Variants in DYRK1A observed in about 807,000 individuals in gnomAD.
DYRK1A encodes dual specificity tyrosine-phosphorylation-regulated kinase 1A.
DYRK1A carries 9 observed loss-of-function variants against 79.7 expected under a neutral mutation model. That is an observed-to-expected ratio of 0.11 (90% CI 0.07 to 0.20). DYRK1A has a LOEUF of 0.20. Ranked by LOEUF, DYRK1A falls within the 10% of genes least tolerant of loss-of-function variation. The pLI is 1.00. For missense variants in DYRK1A, 622 were observed against 956.0 expected (o/e 0.65, Z 4.61); for synonymous variants, 349 against 329.7 (o/e 1.06, Z -0.63).
chr21:37,396,584 G>A (rs952225131), intron 1 of DYRK1A, among the ~76,000 whole-genome samples: 2 of 151,776 alleles, frequency 1.3e-5, no homozygotes, highest in South Asian at 2.1e-4. Flanking sequence ...AGTCCGTAGC[G>A]TAATATTGAG....
intron 1 of DYRK1A, among the ~76,000 whole-genome samples, chr21:37,389,221 A>G (rs762086330): frequency 6.6e-6 from 1 of 151,652 alleles, no homozygotes; most frequent in African/African-American, 2.4e-5. Flanking sequence ...GTATATATAT[A>G]TATAAACAAA....
intron 2 of DYRK1A, among the ~76,000 whole-genome samples, chr21:37,437,899 A>G (rs1318320182): frequency 6.6e-6 from 1 of 152,194 alleles, no homozygotes; most frequent in African/African-American, 2.4e-5. Flanking sequence ...TGGTGGGTAT[A>G]TGCCTAACTT....
intron 8 of DYRK1A, among the ~76,000 whole-genome samples, 174 bp downstream of exon 8, chr21:37,493,337 G>C (rs565078155): frequency 3.9e-5 from 6 of 152,190 alleles, no homozygotes; most frequent in Non-Finnish European, 8.8e-5. Context: ...TGTAAGTTTA[G>C]AATTATGAGA....
chr21:37,379,599 C>T (rs1394175811), intron 1 of DYRK1A, among the ~76,000 whole-genome samples: 1 of 152,078 alleles, frequency 6.6e-6, no homozygotes, highest in African/African-American at 2.4e-5. Flanking sequence ...TAATTTGCAG[C>T]ACCATTAAAT....
chr21:37,476,740 T>C (rs1417509449), intron 3 of DYRK1A, among the ~76,000 whole-genome samples: 2 of 143,058 alleles, frequency 1.4e-5, no homozygotes, highest in Non-Finnish European at 3.1e-5. Context: ...AGTAAGACTG[T>C]CTATTTGAAA....
intron 2 of DYRK1A, among the ~76,000 whole-genome samples, chr21:37,422,925 G>GT (rs570350796): frequency 1.6e-3 from 248 of 152,210 alleles, no homozygotes; most frequent in African/African-American, 5.7e-3. Context: ...CTTTTTGCAT[G>GT]TTTTAAAATA....
intron 2 of DYRK1A, among the ~76,000 whole-genome samples, chr21:37,470,983 A>G (rs982393624): frequency 6.6e-6 from 1 of 152,240 alleles, no homozygotes; most frequent in Middle Eastern, 3.2e-3. Context: ...AGATTGGGAA[A>G]GTTAAGGACC....
chr21:37,422,276 T>C (rs565615003), intron 2 of DYRK1A, among the ~76,000 whole-genome samples: 122 of 152,320 alleles, frequency 8.0e-4, no homozygotes, highest in African/African-American at 2.9e-3. Flanking sequence ...TCTAATAGTT[T>C]GAAAGTTAAC....
At position 37,517,380 on chromosome 21, in the gene DYRK1A, T is replaced by C. The variant is rs1020082971; in HGVS notation, c.*4849T>C. The C allele has an allele frequency of 6.6e-6, 1 of 152,198 alleles. No individual in the cohort carries two copies. The allele number at this position is 152,198 out of a possible 1,614,324, so 9.4% of individuals were successfully genotyped here. A position where few individuals can be genotyped will look rare whatever the true frequency, so the allele number is the denominator to read the frequency against. Reference sequence around the variant, plus strand: ...TAGAGAAAGGCCGTGTAGGTATAAGTGCTTAATGTTTCATCTGTCTGAAAG... The same window carrying C: ...TAGAGAAAGGCCGTGTAGGTATAAGCGCTTAATGTTTCATCTGTCTGAAAG... On this transcript the variant is annotated 3_prime_UTR_variant, in exon 12 of 12. Coordinates refer to ENST00000647188, the MANE Select transcript of DYRK1A (RefSeq NM_001347721.2).
At chr21:37,387,909 G>T (rs2049791615) in intron 1 of DYRK1A, among the ~76,000 whole-genome samples, 1 of 152,076 alleles carries the variant, frequency 6.6e-6, no homozygotes, top group African/African-American at 2.4e-5. Flanking sequence ...TTGAATTTTG[G>T]ATTTCGTTAA....
At chr21:37,388,621 T>C (rs1187620429) in intron 1 of DYRK1A, among the ~76,000 whole-genome samples, 2 of 151,938 alleles carry the variant, frequency 1.3e-5, no homozygotes, top group Non-Finnish European at 2.9e-5. Context: ...GAAATTGCCT[T>C]GTTTGACAAA....
chr21:37,458,597 G>C (rs964662558), intron 2 of DYRK1A, among the ~76,000 whole-genome samples: 10 of 152,074 alleles, frequency 6.6e-5, no homozygotes, highest in Non-Finnish European at 1.0e-4. Flanking sequence ...AGAAGACCGG[G>C]TTATTTGTTG....
chr21:37,370,612 A>C (rs2049410980), intron 1 of DYRK1A, among the ~76,000 whole-genome samples: 1 of 152,178 alleles, frequency 6.6e-6, no homozygotes, highest in South Asian at 2.1e-4. Flanking sequence ...ACCCCTCCCC[A>C]AGAAAAAACT....
At chr21:37,473,020 AAGAAGT>A in intron 3 of DYRK1A, 140 bp downstream of exon 3, 1 of 421,094 alleles carries the variant, frequency 2.4e-6, no homozygotes, top group Non-Finnish European at 3.3e-6. Context: ...AAAACATGTT[AAGAAGT>A]TTGCATTAAA....
Position 37,516,505 on chromosome 21 carries a change from A to G in DYRK1A, c.*3974A>G, listed in dbSNP as rs2053882316. On this transcript the variant is annotated 3_prime_UTR_variant, in exon 12 of 12. Transcript: ENST00000647188. Reference sequence around the variant, plus strand: ...ACAAGAGAAGAAACCCTAAGAAGATAGCTTATTTGTTATCCTCCCTTTTAA... The same window carrying G: ...ACAAGAGAAGAAACCCTAAGAAGATGGCTTATTTGTTATCCTCCCTTTTAA... 6.6e-6 allele frequency: 1 copy of G among 152,214 alleles called. No homozygotes were observed. Among genetic ancestry groups the G allele is most frequent in the Non-Finnish European group, 1.5e-5 (1 of 68,040 alleles). 9.4% of individuals were successfully genotyped at this position (152,214 alleles called of 1,614,324 possible).
intron 9 of DYRK1A, among the ~76,000 whole-genome samples, chr21:37,500,334 T>C (rs1015890470): frequency 6.6e-6 from 1 of 152,208 alleles, no homozygotes; most frequent in African/African-American, 2.4e-5. Flanking sequence ...TTGGCCTTGA[T>C]ATACTATTCC....
intron 5 of DYRK1A, among the ~76,000 whole-genome samples, chr21:37,484,114 A>G (rs1430264313): frequency 2.0e-5 from 3 of 152,074 alleles, no homozygotes; most frequent in South Asian, 2.1e-4. Flanking sequence ...CTCAAACCCA[A>G]TTGTGAACTG....
chr21:37,479,511 T>TA (rs2052522853), intron 4 of DYRK1A, among the ~76,000 whole-genome samples: 1 of 151,848 alleles, frequency 6.6e-6, no homozygotes, highest in Non-Finnish European at 1.5e-5. Flanking sequence ...TCGCCAAAGT[T>TA]AGTTTACCAG....
intron 2 of DYRK1A, chr21:37,421,661 A>G (rs1330752640): frequency 1.3e-5 from 2 of 152,140 alleles, no homozygotes; most frequent in African/African-American, 2.4e-5. Flanking sequence ...GTGATGCTGA[A>G]GCTGAATATC....
Sources: gnomAD v4.1 joint callset for allele counts (sites outside exome capture counted in the v4.1 genomes callset) on GRCh38, gnomAD v4.1.1 for gene constraint, MANE v1.5 for transcripts, NCBI Gene and HGNC (gene_info 2026-07-23, HGNC 2026-07-21) for gene names.